The following CSMD1 variants were observed in gnomAD, a reference collection of about 807,000 sequenced individuals.
CSMD1 encodes the protein CUB and sushi domain-containing protein 1.
Under a neutral mutation model 417.5 loss-of-function variants are expected in CSMD1, and 213 were observed. The observed-to-expected ratio is 0.51, with a 90% CI of 0.46 to 0.57. The LOEUF is 0.57. CSMD1 is among the 20% of genes least tolerant of loss of function. CSMD1 has a pLI of 0.00. For synonymous variants in CSMD1, 2,862 were observed against 1,736.8 expected (o/e 1.65, Z -16.11); for missense variants, 6,923 against 4,529.7 (o/e 1.53, Z -15.17).
chr8:4,367,304 T>C (rs951222439), intron 3 of CSMD1, among the ~76,000 whole-genome samples: 1 of 152,124 alleles, frequency 6.6e-6, no homozygotes, highest in Admixed American at 6.5e-5. Flanking sequence ...AGCTCCATTT[T>C]TTAAATAGGG....
chr8:4,131,640 C>A (rs935187864), intron 3 of CSMD1, among the ~76,000 whole-genome samples: 2 of 151,404 alleles, frequency 1.3e-5, no homozygotes, highest in African/African-American at 2.4e-5. Flanking sequence ...TTGACTAGTT[C>A]TCAAGTAAAT....
chr8:4,711,783 T>C lies in CSMD1; in HGVS notation c.86-74225A>G, dbSNP rs150693075. Among the ~76,000 whole-genome samples, 140 of 152,358 alleles carry C rather than the reference T, an allele frequency of 9.2e-4. No individual in the cohort carries two copies. The East Asian group carries it at 0.017, about 18-fold the overall frequency. On this transcript the variant is annotated intron_variant, in intron 1 of 69. Transcript: ENST00000635120. ...TTTTTGTTTGCTTTTGTTTTTTGTT[T>C]TTAATTTTCCTCACAGGAGCCTTAA...
intron 3 of CSMD1, among the ~76,000 whole-genome samples, chr8:4,358,438 C>A (rs565537722): frequency 1.3e-5 from 2 of 152,318 alleles, no homozygotes; most frequent in South Asian, 4.2e-4. Flanking sequence ...ATTTCAGTGT[C>A]CACACAGTCG....
intron 3 of CSMD1, among the ~76,000 whole-genome samples, chr8:4,240,269 T>C (rs915797966): frequency 6.6e-6 from 1 of 152,240 alleles, no homozygotes; most frequent in Admixed American, 6.5e-5. Context: ...GCCTTTTCAC[T>C]GGGAAACCTC....
At chr8:3,993,531 T>C (rs959929944) in intron 5 of CSMD1, among the ~76,000 whole-genome samples, 1 of 152,200 alleles carries the variant, frequency 6.6e-6, no homozygotes. Context: ...ATTGACTTAA[T>C]AGTAAAATTG....
intron 57 of CSMD1, among the ~76,000 whole-genome samples, chr8:2,967,545 T>G (rs1804075129): frequency 6.6e-6 from 1 of 152,122 alleles, no homozygotes; most frequent in Non-Finnish European, 1.5e-5. Context: ...TTTTTTTCCC[T>G]TTTTTAGTCG....
At chr8:4,749,580 A>C (rs1489746812) in intron 1 of CSMD1, among the ~76,000 whole-genome samples, 1 of 152,224 alleles carries the variant, frequency 6.6e-6, no homozygotes, top group African/African-American at 2.4e-5. Context: ...GGAAAATGTC[A>C]ATGATCTTGT....
intron 3 of CSMD1, among the ~76,000 whole-genome samples, chr8:4,115,788 T>C (rs1258772941): frequency 2.6e-5 from 4 of 151,802 alleles, no homozygotes; most frequent in Non-Finnish European, 4.4e-5. Context: ...TGAAAAGTCA[T>C]GGTGGAATGT....
chr8:3,598,128 T>C (rs1253064350), intron 8 of CSMD1, among the ~76,000 whole-genome samples: 1 of 152,214 alleles, frequency 6.6e-6, no homozygotes, highest in Admixed American at 6.5e-5. Context: ...ATATATTTCC[T>C]AACGCATTTA....
At chr8:4,294,505 G>A (rs1409200671) in intron 3 of CSMD1, among the ~76,000 whole-genome samples, 2 of 152,076 alleles carry the variant, frequency 1.3e-5, no homozygotes, top group African/African-American at 2.4e-5. Context: ...TCAGGATAAT[G>A]CCATGAGTTC....
In CSMD1 at chr8:3,950,739, C is replaced by A. The variant is rs547231789; in HGVS notation, c.818+47164G>T. Among the ~76,000 whole-genome samples the A allele has an allele frequency of 1.2e-4, 15 of 126,224 alleles. No individual in the cohort carries two copies. The East Asian group carries it at 3.0e-3, about 25-fold the overall frequency. The allele number at this position is 126,224 out of a possible 152,430, so 82.8% of individuals were successfully genotyped here. On this transcript the variant is annotated intron_variant, in intron 5 of 69. Transcript: ENST00000635120. ...TTCCTCAAAATGTAATTGGGGTTTT[C>A]AATCTTTTTTATCTCTTACCTCATC...
chr8:3,970,896 T>G (rs1340336535), intron 5 of CSMD1, among the ~76,000 whole-genome samples: 1 of 152,020 alleles, frequency 6.6e-6, no homozygotes, highest in Non-Finnish European at 1.5e-5. Context: ...GGATTACAGG[T>G]GACTGCCACC....
intron 5 of CSMD1, among the ~76,000 whole-genome samples, chr8:3,933,113 G>A (rs944244167): frequency 1.4e-5 from 2 of 143,336 alleles, no homozygotes; most frequent in African/African-American, 2.6e-5. Context: ...TTATATATCT[G>A]GTTTATATAT....
chr8:3,450,725 T>G (rs1044440141), intron 12 of CSMD1, among the ~76,000 whole-genome samples: 57 of 152,202 alleles, frequency 3.7e-4, no homozygotes, highest in African/African-American at 1.2e-3. Context: ...TGTTGGACAT[T>G]TGGGTTGGTT....
intron 1 of CSMD1, among the ~76,000 whole-genome samples, chr8:4,754,017 G>A (rs778015767): frequency 3.3e-5 from 5 of 152,116 alleles, no homozygotes; most frequent in Non-Finnish European, 5.9e-5. Flanking sequence ...CTAAAGATTC[G>A]CTTTGAAGGT....
intron 12 of CSMD1, among the ~76,000 whole-genome samples, chr8:3,417,425 C>T (rs1813225720): frequency 6.6e-6 from 1 of 152,178 alleles, no homozygotes; most frequent in Admixed American, 6.5e-5. Context: ...TACACAACTT[C>T]TTATATGCTT....
chr8:4,630,538 T>A (rs1441826449), intron 2 of CSMD1, among the ~76,000 whole-genome samples: 1 of 152,160 alleles, frequency 6.6e-6, no homozygotes, highest in Admixed American at 6.5e-5. Context: ...TGAGCTTACC[T>A]AGGGGTCACT....
At chr8:3,713,911 C>A (rs1390119405) in intron 6 of CSMD1, among the ~76,000 whole-genome samples, 1 of 151,890 alleles carries the variant, frequency 6.6e-6, no homozygotes, top group Non-Finnish European at 1.5e-5. Context: ...TTATCAATGC[C>A]TCTTCCAGGC....
At chr8:4,881,056 CTT>C (rs559454977) in intron 1 of CSMD1, among the ~76,000 whole-genome samples, 61 of 152,102 alleles carry the variant, frequency 4.0e-4, no homozygotes, top group Non-Finnish European at 7.6e-4. Flanking sequence ...GTTCCCAACT[CTT>C]TTCCTAGAGG....
Sources: allele counts gnomAD v4.1 joint callset (sites outside exome capture counted in the v4.1 genomes callset), GRCh38; gene constraint gnomAD v4.1.1; transcripts MANE v1.5; gene names NCBI Gene and HGNC (gene_info 2026-07-23, HGNC 2026-07-21).